The following FLVCR2 variants were observed in gnomAD, a reference collection of about 807,000 sequenced individuals.
FLVCR2 encodes FLVCR choline and putative heme transporter 2, also known as choline/ethanolamine transporter FLVCR2.
Under a neutral mutation model 48.9 loss-of-function variants are expected in FLVCR2, and 38 were observed. That is an observed-to-expected ratio of 0.78 (90% CI 0.60 to 1.02). FLVCR2 has a LOEUF of 1.02. Ranked by LOEUF, FLVCR2 falls within the 50% of genes least tolerant of loss-of-function variation. FLVCR2 has a pLI of 0.00. For synonymous variants in FLVCR2, 255 were observed against 257.0 expected (o/e 0.99, Z 0.07); for missense variants, 664 against 663.3 (o/e 1.00, Z -0.01).
At chr14:75,629,371 C>T (rs558759313) in intron 3 of FLVCR2, among the ~76,000 whole-genome samples, 14 of 152,036 alleles carry the variant, frequency 9.2e-5, no homozygotes, top group South Asian at 4.1e-4. Context: ...GGGTGGAGCT[C>T]GTGCTTGATG....
chr14:75,630,949 G>A (rs931886702), intron 3 of FLVCR2, among the ~76,000 whole-genome samples: 1 of 152,196 alleles, frequency 6.6e-6, no homozygotes, highest in African/African-American at 2.4e-5. Flanking sequence ...ACTCACACAG[G>A]AAGGAGCATG....
chr14:75,640,747 G>T, intron 6 of FLVCR2: 1 of 610,208 alleles, frequency 1.6e-6, no homozygotes, highest in Non-Finnish European at 2.9e-6. Context: ...CTGAGCACAA[G>T]GTCTCCCTGT....
intron 5 of FLVCR2, among the ~76,000 whole-genome samples, chr14:75,638,193 T>C (rs533922970): frequency 2.0e-5 from 3 of 152,228 alleles, no homozygotes; most frequent in South Asian, 2.1e-4. Flanking sequence ...TAGAACACTT[T>C]GGGAGGCCAA....
rs1890313738 is a variant in FLVCR2 at position 75,641,842 on chromosome 14, G to A, written c.1454-1G>A. 1 of 1,613,278 alleles carries A rather than the reference G, an allele frequency of 6.2e-7. No homozygotes were observed. The highest frequency in any genetic ancestry group is 1.6e-4 in the Middle Eastern group (1 of 6,062). ...CTTCCTTCTCAATCTATCAACCTTA[G>A]CATTCATTAAGGCAGATCTCCGGAG... On this transcript the variant is annotated splice_acceptor_variant, in intron 8 of 9. Transcript: ENST00000238667. LOFTEE classifies it high-confidence loss of function.
At position 75,596,117 on chromosome 14, in the gene FLVCR2, A is replaced by T. The variant is rs181884208; in HGVS notation, c.669+16476A>T. On this transcript the variant is annotated intron_variant, in intron 1 of 9. Transcript: ENST00000238667. ...CTGTCTTAGGCACTGTTGCCTTCCC[A>T]GGGTGAAGGATATCAATGACTGTTT... 112 of 912,714 alleles carry T rather than the reference A, an allele frequency of 1.2e-4. No homozygotes were observed. The African/African-American group carries it at 1.6e-3, about 13-fold the overall frequency. The allele number at this position is 912,714 out of a possible 1,614,324, so 56.5% of individuals were successfully genotyped here.
Position 75,611,586 on chromosome 14 carries a change from A to C in FLVCR2, c.670-10493A>C, listed in dbSNP as rs1889449708. Reference sequence around the variant, plus strand: ...CCCCGTCTCTCCTAAAAATACAAAAAATTAGCCAGGTGTGTTGGGCGCATG... The same window carrying C: ...CCCCGTCTCTCCTAAAAATACAAAACATTAGCCAGGTGTGTTGGGCGCATG... On this transcript the variant is annotated intron_variant, in intron 1 of 9. Coordinates refer to ENST00000238667, the MANE Select transcript of FLVCR2 (RefSeq NM_017791.3). Among the ~76,000 whole-genome samples, 3 of 151,774 alleles carry C rather than the reference A, an allele frequency of 2.0e-5. 1 individual carries two copies. The highest frequency in any genetic ancestry group is 2.0e-4 in the Admixed American group (3 of 15,234).
chr14:75,624,461 G>A, intron 2 of FLVCR2, 151 bp from the exon 3 acceptor site: 1 of 840,474 alleles, frequency 1.2e-6, no homozygotes, highest in Non-Finnish European at 2.0e-6. Flanking sequence ...CTTCAAGAAG[G>A]GGGCTGTTAA....
At chr14:75,640,878 T>A (rs951228224) in intron 6 of FLVCR2, 77 bp from the exon 7 acceptor site, 1 of 984,922 alleles carries the variant, frequency 1.0e-6, no homozygotes, top group Admixed American at 1.7e-5. Flanking sequence ...AAGGGAGTCC[T>A]AGGGGAGGAG....
chr14:75,595,853 C>T (rs1889006497), intron 1 of FLVCR2: 2 of 989,190 alleles, frequency 2.0e-6, no homozygotes, highest in Non-Finnish European at 3.3e-6. Flanking sequence ...TTGCAGTCCC[C>T]CTGACTTTCC....
intron 1 of FLVCR2, among the ~76,000 whole-genome samples, chr14:75,581,235 A>C (rs917687798): frequency 3.3e-5 from 5 of 152,194 alleles, no homozygotes; most frequent in African/African-American, 1.2e-4. Context: ...GAAAAAGAGA[A>C]GGAGAAAAAC....
At chr14:75,635,581 CA>C (rs1890147173) in intron 5 of FLVCR2, among the ~76,000 whole-genome samples, 1 of 152,148 alleles carries the variant, frequency 6.6e-6, no homozygotes, top group South Asian at 2.1e-4. Context: ...AAGGTTTTAT[CA>C]GGCTGGGCGC....
chr14:75,607,599 G>A (rs1889327580), intron 1 of FLVCR2, among the ~76,000 whole-genome samples: 1 of 152,200 alleles, frequency 6.6e-6, no homozygotes, highest in African/African-American at 2.4e-5. Flanking sequence ...ACTCAGTTAT[G>A]AAGTAGAGAA....
chr14:75,586,914 A>C (rs1888766219), intron 1 of FLVCR2, among the ~76,000 whole-genome samples: 1 of 152,156 alleles, frequency 6.6e-6, no homozygotes, highest in South Asian at 2.1e-4. Context: ...CAAGATTCAG[A>C]TTGTATTAAA....
intron 1 of FLVCR2, among the ~76,000 whole-genome samples, chr14:75,583,091 T>G (rs1276621696): frequency 6.6e-6 from 1 of 152,076 alleles, no homozygotes; most frequent in East Asian, 1.9e-4. Context: ...TCAGTCCAAG[T>G]GAAAGCGAAG....
intron 1 of FLVCR2, among the ~76,000 whole-genome samples, chr14:75,609,035 A>G (rs935625067): frequency 2.6e-5 from 4 of 151,380 alleles, no homozygotes; most frequent in African/African-American, 9.7e-5. Context: ...AATGAAAGCC[A>G]CTAAAGAAGG....
At chr14:75,639,635 T>G (rs1265428205) in intron 6 of FLVCR2, among the ~76,000 whole-genome samples, 173 bp downstream of exon 6, 1 of 152,244 alleles carries the variant, frequency 6.6e-6, no homozygotes, top group Non-Finnish European at 1.5e-5. Context: ...AAAGGCAGCC[T>G]GGGCTGTCTG....
At chr14:75,621,085 T>C (rs1889751352) in intron 1 of FLVCR2, among the ~76,000 whole-genome samples, 1 of 152,176 alleles carries the variant, frequency 6.6e-6, no homozygotes, top group African/African-American at 2.4e-5. Flanking sequence ...AGCCAAGCCT[T>C]TCTGACCTCG....
At chr14:75,591,208 A>AT (rs1566783349) in intron 1 of FLVCR2, among the ~76,000 whole-genome samples, 2 of 151,844 alleles carry the variant, frequency 1.3e-5, no homozygotes. Context: ...ACACCCAGTA[A>AT]TTTTTGTATT....
intron 1 of FLVCR2, among the ~76,000 whole-genome samples, chr14:75,607,059 C>T (rs1362955625): frequency 1.3e-5 from 2 of 152,176 alleles, no homozygotes; most frequent in Non-Finnish European, 2.9e-5. Flanking sequence ...TTCTGATGCC[C>T]ACTGAAGTTT....
Sources: gnomAD v4.1 joint callset for allele counts (sites outside exome capture counted in the v4.1 genomes callset) on GRCh38, gnomAD v4.1.1 for gene constraint, MANE v1.5 for transcripts, NCBI Gene and HGNC (gene_info 2026-07-23, HGNC 2026-07-21) for gene names.